ZBTB20: variants seen among roughly 807,000 people sequenced by gnomAD.
ZBTB20 encodes the protein zinc finger and BTB domain-containing protein 20.
In ZBTB20, 9 loss-of-function variants were observed where a neutral mutation model predicts 56.9. The ratio of observed to expected loss-of-function variants is 0.16; its 90% CI spans 0.10 to 0.28. ZBTB20 has a LOEUF of 0.28. Among genes scored for constraint, ZBTB20 ranks in the 10% least tolerant of loss-of-function variants. ZBTB20 has a pLI of 1.00. For synonymous variants in ZBTB20, 417 were observed against 420.7 expected (o/e 0.99, Z 0.11); for missense variants, 655 against 1,003.0 (o/e 0.65, Z 4.69).
intron 6 of ZBTB20, among the ~76,000 whole-genome samples, chr3:114,630,464 CAT>C (rs370874573): frequency 5.3e-4 from 81 of 152,268 alleles, no homozygotes; most frequent in Middle Eastern, 3.4e-3. Context: ...TGTGTGTACA[CAT>C]GTGTGTGTAC....
At chr3:114,517,275 C>A (rs867268656) in intron 6 of ZBTB20, among the ~76,000 whole-genome samples, 3 of 152,164 alleles carry the variant, frequency 2.0e-5, no homozygotes, top group African/African-American at 7.2e-5. Flanking sequence ...AGTTCTCCAC[C>A]TTGTATAGTT....
At chr3:114,726,551 C>A (rs998639368) in intron 5 of ZBTB20, among the ~76,000 whole-genome samples, 2 of 152,142 alleles carry the variant, frequency 1.3e-5, no homozygotes, top group African/African-American at 4.8e-5. Context: ...GCCTAAGAAT[C>A]TGCATTTCTA....
At chr3:114,906,074 G>T (rs1369019636) in intron 3 of ZBTB20, among the ~76,000 whole-genome samples, 1 of 151,688 alleles carries the variant, frequency 6.6e-6, no homozygotes, top group Non-Finnish European at 1.5e-5. Flanking sequence ...TTTCCCACTA[G>T]ATTGTATACT....
At chr3:114,390,143 C>T (rs2085690449) in intron 7 of ZBTB20, among the ~76,000 whole-genome samples, 2 of 152,094 alleles carry the variant, frequency 1.3e-5, no homozygotes, top group African/African-American at 4.8e-5. Flanking sequence ...TTTATAGATT[C>T]CCCATATAAG....
rs550175529 is a variant in ZBTB20, at chr3:114,948,754, A to G, written c.-456+25612T>C. On this transcript the variant is annotated intron_variant, in intron 3 of 11. Coordinates refer to ENST00000675478, the MANE Select transcript of ZBTB20 (RefSeq NM_001348800.3). ...AGCATTAAAAAATCTAATTGTAGAA[A>G]TGAATCTAACAAAAAGTATGCAAGT... 1.6e-3 allele frequency among the ~76,000 whole-genome samples: 237 copies of G among 146,440 alleles called. 45 individuals carry two copies. The highest frequency in any genetic ancestry group is 6.1e-3 in the African/African-American group (222 of 36,136).
intron 1 of ZBTB20, among the ~76,000 whole-genome samples, chr3:115,141,287 T>A (rs988877416): frequency 6.6e-6 from 1 of 152,188 alleles, no homozygotes; most frequent in Admixed American, 6.5e-5. Context: ...TCACACCATA[T>A]TGTACCTAAA....
rs546628080 is a variant in ZBTB20, at chr3:115,002,704, G to A, written c.-506-28288C>T. Among the ~76,000 whole-genome samples the A allele has an allele frequency of 3.8e-4, 57 of 151,720 alleles. 1 individual carries two copies. The highest frequency in any genetic ancestry group is 1.3e-3 in the African/African-American group (54 of 41,494). On this transcript the variant is annotated intron_variant, in intron 2 of 11. Coordinates refer to ENST00000675478, the MANE Select transcript of ZBTB20 (RefSeq NM_001348800.3). ...GGCAACAACAATTGCCGTCAAGGAT[G>A]TGGAGAAATACAAACTCTCACTCAT...
chr3:114,734,111 A>G (rs982307870), intron 5 of ZBTB20, among the ~76,000 whole-genome samples: 3 of 152,026 alleles, frequency 2.0e-5, no homozygotes, highest in African/African-American at 7.2e-5. Context: ...TTTTCAAACT[A>G]TGCTTCATGG....
At chr3:114,414,494 T>C (rs924622004) in intron 7 of ZBTB20, among the ~76,000 whole-genome samples, 8 of 152,020 alleles carry the variant, frequency 5.3e-5, no homozygotes, top group East Asian at 1.9e-4. Context: ...AATTTAAGTT[T>C]AGTAATAGGA....
At chr3:115,056,291 G>A (rs148980569) in intron 2 of ZBTB20, among the ~76,000 whole-genome samples, 1 of 152,156 alleles carries the variant, frequency 6.6e-6, no homozygotes, top group Non-Finnish European at 1.5e-5. Flanking sequence ...TTTTACCTTG[G>A]CTTAGACTGA....
rs115302974 is a variant in ZBTB20 at position 114,419,534 on chromosome 3, C to T, written c.-254-30429G>A. ...TCAAGTGTAGCACCCAGATGCTGTA[C>T]TCCCAATGAAGAAAGATAGGGACCT... is the stretch of plus-strand genomic sequence containing the variant. On this transcript the variant is annotated intron_variant, in intron 7 of 11. Transcript: ENST00000675478. Among the ~76,000 whole-genome samples the T allele has an allele frequency of 4.7e-3, 722 of 152,210 alleles. 2 individuals carry two copies. Among genetic ancestry groups the T allele is most frequent in the Middle Eastern group, 0.02 (6 of 294 alleles).
At chr3:115,097,290 T>C (rs2083414138) in intron 1 of ZBTB20, among the ~76,000 whole-genome samples, 1 of 152,130 alleles carries the variant, frequency 6.6e-6, no homozygotes, top group Non-Finnish European at 1.5e-5. Context: ...GGGATTCTCC[T>C]GCCTCAGCCT....
intron 4 of ZBTB20, among the ~76,000 whole-genome samples, chr3:114,839,958 A>C (rs1244154911): frequency 6.6e-6 from 1 of 152,148 alleles, no homozygotes; most frequent in African/African-American, 2.4e-5. Flanking sequence ...GGAAAGACTA[A>C]ATTTAAGCTG....
At chr3:115,096,579 C>G (rs986880524) in intron 1 of ZBTB20, among the ~76,000 whole-genome samples, 1 of 152,220 alleles carries the variant, frequency 6.6e-6, no homozygotes, top group Non-Finnish European at 1.5e-5. Context: ...AGAATATCAA[C>G]ACCAGTCATT....
intron 6 of ZBTB20, among the ~76,000 whole-genome samples, chr3:114,548,709 G>A (rs1425369467): frequency 6.6e-6 from 1 of 151,882 alleles, no homozygotes; most frequent in Non-Finnish European, 1.5e-5. Context: ...AGTAGAGACG[G>A]GGTTTCGCCA....
chr3:114,914,669 T>C (rs1185009724), intron 3 of ZBTB20, among the ~76,000 whole-genome samples: 2 of 152,042 alleles, frequency 1.3e-5, no homozygotes, highest in Non-Finnish European at 1.5e-5. Flanking sequence ...TTTCAGTTTT[T>C]CCCCACTCAG....
rs201327651 is a variant in ZBTB20, at chr3:114,711,850, AAAC to A, written c.-342-18278_-342-18276del. Among the ~76,000 whole-genome samples the A allele has an allele frequency of 2.0e-3, 312 of 152,342 alleles. 3 individuals are homozygous for A. The highest frequency in any genetic ancestry group is 7.1e-3 in the African/African-American group (295 of 41,570). ...AGATGAACAAACTAATCCATGAAGC[AAAC>A]AACATTCTAAGTGCTATTCTTCTAT... On this transcript the variant is annotated intron_variant, in intron 5 of 11. Transcript: ENST00000675478.
intron 6 of ZBTB20, among the ~76,000 whole-genome samples, chr3:114,505,179 G>A (rs866613836): frequency 1.3e-4 from 20 of 152,118 alleles, no homozygotes; most frequent in African/African-American, 2.9e-4. Context: ...AATCTGGGTC[G>A]TCAGACTCTC....
intron 2 of ZBTB20, among the ~76,000 whole-genome samples, chr3:115,058,101 G>A (rs977479096): frequency 2.6e-5 from 4 of 152,018 alleles, no homozygotes; most frequent in East Asian, 1.9e-4. Context: ...AACCACTCCC[G>A]TGATTAAATT....
Sources: gnomAD v4.1 joint callset for allele counts (sites outside exome capture counted in the v4.1 genomes callset) on GRCh38, gnomAD v4.1.1 for gene constraint, MANE v1.5 for transcripts, NCBI Gene and HGNC (gene_info 2026-07-23, HGNC 2026-07-21) for gene names.